CAST: variants seen among roughly 807,000 people sequenced by gnomAD.
The protein encoded by CAST is calpastatin.
A neutral mutation model predicts 119.6 loss-of-function variants in CAST; 76 were observed. The ratio of observed to expected loss-of-function variants is 0.64; its 90% CI spans 0.53 to 0.77. The LOEUF (loss-of-function observed/expected upper bound fraction) is 0.77, where lower values mean the gene tolerates loss of function less well. Among genes scored for constraint, CAST ranks in the 30% least tolerant of loss-of-function variants. CAST has a pLI of 0.00. For synonymous variants in CAST, 319 were observed against 331.6 expected (o/e 0.96, Z 0.41); for missense variants, 953 against 946.5 (o/e 1.01, Z -0.09).
chr5:96,117,529 G>A, the CAST span, among the ~76,000 whole-genome samples: 25 of 152,252 alleles, frequency 1.6e-4, no homozygotes, highest in African/African-American at 3.1e-4. Flanking sequence ...GATTTTTTCC[G>A]CGTGTCAGAT....
At chr5:96,147,615 AAAC>A in the CAST span, among the ~76,000 whole-genome samples, 2 of 152,186 alleles carry the variant, frequency 1.3e-5, no homozygotes, top group African/African-American at 4.8e-5. Context: ...AAACAAAACA[AAAC>A]AAAACAAAAC....
chr5:96,331,237 T>C, the CAST span, among the ~76,000 whole-genome samples: 1 of 152,214 alleles, frequency 6.6e-6, no homozygotes, highest in Non-Finnish European at 1.5e-5. Flanking sequence ...CCCAGTTTAA[T>C]GATTCCACAT....
At chr5:96,360,785 T>A in the CAST span, among the ~76,000 whole-genome samples, 25 of 152,270 alleles carry the variant, frequency 1.6e-4, 1 homozygote, top group Middle Eastern at 6.8e-3. Flanking sequence ...CTGGGTGGTA[T>A]CTCCAAGTCA....
At chr5:96,440,825 G>T in the CAST span, among the ~76,000 whole-genome samples, 1 of 152,300 alleles carries the variant, frequency 6.6e-6, no homozygotes, top group Admixed American at 6.5e-5. Flanking sequence ...CAGAGGCAAT[G>T]GCTTTAATTT....
intron 1 of CAST, among the ~76,000 whole-genome samples, chr5:96,606,806 C>A (rs1747264830): frequency 6.6e-6 from 1 of 152,142 alleles, no homozygotes; most frequent in Non-Finnish European, 1.5e-5. Context: ...ATTATACTAT[C>A]CTAGTGGTTC....
intron 1 of CAST, among the ~76,000 whole-genome samples, chr5:96,646,312 C>G (rs973417743): frequency 2.6e-5 from 4 of 152,178 alleles, no homozygotes; most frequent in African/African-American, 9.7e-5. Flanking sequence ...CACAAAGATA[C>G]CTGCAAAACT....
chr5:96,406,914 A>G, the CAST span, among the ~76,000 whole-genome samples: 1 of 152,244 alleles, frequency 6.6e-6, no homozygotes, highest in Non-Finnish European at 1.5e-5. Context: ...GAGGACACAT[A>G]AAAAGCTGTG....
chr5:96,431,973 T>C, the CAST span: 3 of 741,192 alleles, frequency 4.0e-6, no homozygotes, highest in Non-Finnish European at 7.1e-6. Context: ...ATAAGCAGTC[T>C]CCCACTTAAT....
chr5:96,110,151 A>T, the CAST span, among the ~76,000 whole-genome samples: 8 of 152,258 alleles, frequency 5.3e-5, no homozygotes, highest in Non-Finnish European at 7.4e-5. Context: ...CCAAATAAAT[A>T]CTGTTCAAGA....
At chr5:96,012,175 A>T in the CAST span, among the ~76,000 whole-genome samples, 1 of 152,136 alleles carries the variant, frequency 6.6e-6, no homozygotes, top group Non-Finnish European at 1.5e-5. Context: ...ATTTATGACT[A>T]TGGGTGTTGT....
At chr5:96,680,972 T>C (rs1751341556) in intron 2 of CAST, among the ~76,000 whole-genome samples, 1 of 152,256 alleles carries the variant, frequency 6.6e-6, no homozygotes, top group Non-Finnish European at 1.5e-5. Context: ...CATGCCTGGC[T>C]CACCGGGATA....
the CAST span, among the ~76,000 whole-genome samples, chr5:96,372,473 G>C: frequency 6.6e-6 from 1 of 152,090 alleles, no homozygotes; most frequent in Non-Finnish European, 1.5e-5. Flanking sequence ...TTGGAAATTT[G>C]GAACCCATTG....
chr5:96,739,261 A>G (rs904123314), intron 11 of CAST, among the ~76,000 whole-genome samples: 2 of 152,192 alleles, frequency 1.3e-5, no homozygotes, highest in African/African-American at 4.8e-5. Context: ...GTCCACCTGT[A>G]GAGAGATTGC....
In CAST at chr5:96,762,301, G is replaced by A; in HGVS notation, c.1861G>A (p.Ala621Thr). Residue 621 changes from alanine to threonine, a missense_variant, in exon 25 of 32, where the codon GCC becomes ACC. Ala to Thr is a moderately conservative substitution (Grantham distance 58, BLOSUM62 0). Coordinates refer to ENST00000675179, the MANE Select transcript of CAST (RefSeq NM_001750.7). ...LKFEDAKLAA[A>T]ISEVVSQTPA... Reference sequence around the variant, plus strand: ...ATTTGAAGATGCTAAACTTGCTGCTGCCATCTCTGAAGTGGTTTCCCAAAC... The same window carrying A: ...ATTTGAAGATGCTAAACTTGCTGCTACCATCTCTGAAGTGGTTTCCCAAAC... 6.2e-7 allele frequency: 1 copy of A among 1,607,652 alleles called. No individual in the cohort carries two copies. The highest frequency in any genetic ancestry group is 8.5e-7 in the Non-Finnish European group (1 of 1,177,968).
chr5:96,558,594 A>G (rs1264295590), intron 1 of CAST, among the ~76,000 whole-genome samples: 1 of 152,234 alleles, frequency 6.6e-6, no homozygotes, highest in Admixed American at 6.5e-5. Flanking sequence ...ACACAAATAA[A>G]CTAGAAAATC....
intron 1 of CAST, among the ~76,000 whole-genome samples, chr5:96,648,110 C>T (rs1748041907): frequency 6.6e-6 from 1 of 152,208 alleles, no homozygotes; most frequent in African/African-American, 2.4e-5. Flanking sequence ...TCACTTCTCT[C>T]TGTGTGAACT....
At chr5:96,456,955 C>CAG in the CAST span, among the ~76,000 whole-genome samples, 2 of 152,164 alleles carry the variant, frequency 1.3e-5, no homozygotes, top group African/African-American at 2.4e-5. Context: ...TATGTGTTTG[C>CAG]TTCCCCTTCT....
At chr5:96,163,563 T>C in the CAST span, among the ~76,000 whole-genome samples, 3 of 152,228 alleles carry the variant, frequency 2.0e-5, no homozygotes, top group Admixed American at 6.5e-5. Flanking sequence ...TTAATAGATA[T>C]AGCTAGATTA....
intron 1 of CAST, among the ~76,000 whole-genome samples, chr5:96,592,118 C>G (rs747909973): frequency 6.6e-6 from 1 of 152,102 alleles, no homozygotes; most frequent in Non-Finnish European, 1.5e-5. Context: ...CAGCTATGGC[C>G]GGGTGCGGTG....
Sources: gnomAD v4.1 joint callset for allele counts (sites outside exome capture counted in the v4.1 genomes callset) on GRCh38, gnomAD v4.1.1 for gene constraint, MANE v1.5 for transcripts, NCBI Gene and HGNC (gene_info 2026-07-23, HGNC 2026-07-21) for gene names.